Variants in CSMD1 observed in about 807,000 individuals in gnomAD.
The protein encoded by CSMD1 is CUB and sushi domain-containing protein 1.
Under a neutral mutation model 417.5 loss-of-function variants are expected in CSMD1, and 213 were observed. The observed-to-expected ratio is 0.51, with a 90% CI of 0.46 to 0.57. CSMD1 has a LOEUF of 0.57. Among genes scored for constraint, CSMD1 ranks in the 20% least tolerant of loss-of-function variants. CSMD1 has a pLI of 0.00. For missense variants in CSMD1, 6,923 were observed against 4,529.7 expected, an observed-to-expected ratio of 1.53 and a Z score of -15.17; for synonymous variants, 2,862 against 1,736.8, an observed-to-expected ratio of 1.65 and a Z score of -16.11.
intron 3 of CSMD1, among the ~76,000 whole-genome samples, chr8:4,130,531 G>A (rs1585381077): frequency 6.6e-6 from 1 of 152,174 alleles, no homozygotes; most frequent in East Asian, 1.9e-4. Context: ...TTTGCATTAG[G>A]ATTCTTCTTT....
In CSMD1 at chr8:4,994,807, A is replaced by G; in HGVS notation, c.-391T>C. On this transcript the variant is annotated 5_prime_UTR_variant, in exon 1 of 70. Coordinates refer to ENST00000635120, the MANE Select transcript of CSMD1 (RefSeq NM_033225.6). ...GCTGGAGAGAGAGCCAGCGAGTGGGAGATGCGGGGAGGGGGGCGCGGGGGG... is the reference window on the plus strand; with the variant it reads ...GCTGGAGAGAGAGCCAGCGAGTGGGGGATGCGGGGAGGGGGGCGCGGGGGG... The G allele has an allele frequency of 6.0e-6, 1 of 167,148 alleles. No homozygotes were observed. The highest frequency in any genetic ancestry group is 1.2e-5 in the Non-Finnish European group (1 of 84,826). 10.4% of individuals were successfully genotyped at this position (167,148 alleles called of 1,614,324 possible). A position where few individuals can be genotyped will look rare whatever the true frequency, so the allele number is the denominator to read the frequency against.
intron 2 of CSMD1, among the ~76,000 whole-genome samples, chr8:4,436,486 G>A (rs1193065377): frequency 6.6e-6 from 1 of 152,078 alleles, no homozygotes; most frequent in African/African-American, 2.4e-5. Flanking sequence ...AATCACCTCA[G>A]GTTGAGGGGT....
intron 5 of CSMD1, among the ~76,000 whole-genome samples, chr8:3,915,264 G>C (rs1411749480): frequency 3.3e-5 from 5 of 151,834 alleles, no homozygotes; most frequent in African/African-American, 9.7e-5. Flanking sequence ...AAATTATCTG[G>C]GCATGGTAGT....
chr8:3,738,534 C>T (rs73187265), intron 6 of CSMD1, among the ~76,000 whole-genome samples: 5,413 of 152,228 alleles, frequency 0.036, 123 homozygotes, highest in African/African-American at 0.048. Context: ...CTGGTCCTGC[C>T]GCCAAACATG....
At chr8:4,355,142 G>C (rs1801344632) in intron 3 of CSMD1, among the ~76,000 whole-genome samples, 2 of 151,998 alleles carry the variant, frequency 1.3e-5, no homozygotes, top group South Asian at 4.2e-4. Context: ...GGCGCCTGCA[G>C]TCCCAGCTAC....
chr8:3,749,551 T>G (rs1275721439), intron 6 of CSMD1, among the ~76,000 whole-genome samples: 1 of 152,092 alleles, frequency 6.6e-6, no homozygotes, highest in Non-Finnish European at 1.5e-5. Flanking sequence ...GAAAGAATAT[T>G]TTATGTTGGT....
intron 1 of CSMD1, among the ~76,000 whole-genome samples, chr8:4,935,794 T>G (rs988395597): frequency 1.3e-5 from 2 of 152,160 alleles, no homozygotes; most frequent in African/African-American, 4.8e-5. Flanking sequence ...AATACAAGAA[T>G]AGGAATTGCA....
chr8:3,221,959 C>T (rs1013170294), intron 28 of CSMD1, among the ~76,000 whole-genome samples: 2 of 152,216 alleles, frequency 1.3e-5, no homozygotes, highest in Admixed American at 6.5e-5. Context: ...TTGGCCAGCC[C>T]TCATCAGCGC....
chr8:4,499,038 T>C (rs1802119239), intron 2 of CSMD1, among the ~76,000 whole-genome samples: 1 of 152,238 alleles, frequency 6.6e-6, no homozygotes, highest in East Asian at 1.9e-4. Flanking sequence ...AAATATCTAG[T>C]ACAGATCTCT....
intron 38 of CSMD1, among the ~76,000 whole-genome samples, chr8:3,159,637 T>C (rs146399339): frequency 2.6e-5 from 4 of 152,332 alleles, no homozygotes; most frequent in African/African-American, 9.6e-5. Context: ...CCAGAATCCT[T>C]TTTTGCTCAT....
At chr8:4,257,699 C>T (rs763854937) in intron 3 of CSMD1, among the ~76,000 whole-genome samples, 17 of 152,172 alleles carry the variant, frequency 1.1e-4, no homozygotes, top group Non-Finnish European at 2.1e-4. Context: ...TGGATTCTAA[C>T]GTCAGTGTCA....
intron 12 of CSMD1, among the ~76,000 whole-genome samples, chr8:3,457,366 T>G (rs1178936048): frequency 6.6e-6 from 1 of 152,190 alleles, no homozygotes; most frequent in African/African-American, 2.4e-5. Context: ...CTTCTTCAGT[T>G]TCTCTCATTC....
At chr8:4,548,618 G>A (rs1413843962) in intron 2 of CSMD1, among the ~76,000 whole-genome samples, 1 of 152,110 alleles carries the variant, frequency 6.6e-6, no homozygotes, top group Non-Finnish European at 1.5e-5. Context: ...AGATGCAAAT[G>A]GCTTTTTTTC....
chr8:3,053,856 C>G (rs973823219), intron 49 of CSMD1, among the ~76,000 whole-genome samples: 8 of 152,130 alleles, frequency 5.3e-5, no homozygotes, highest in Non-Finnish European at 1.2e-4. Flanking sequence ...AAATAAAGAG[C>G]CTTCTTTTAC....
intron 2 of CSMD1, among the ~76,000 whole-genome samples, chr8:4,436,645 T>A (rs1477157614): frequency 6.6e-6 from 1 of 152,100 alleles, no homozygotes; most frequent in Non-Finnish European, 1.5e-5. Context: ...TTTAATCCAT[T>A]AACAATCACC....
intron 37 of CSMD1, among the ~76,000 whole-genome samples, chr8:3,164,041 G>C (rs1010733398): frequency 1.3e-5 from 2 of 152,196 alleles, no homozygotes; most frequent in Non-Finnish European, 2.9e-5. Flanking sequence ...CAGATCTGCT[G>C]AGTCGGAGGC....
chr8:4,911,183 T>C (rs1805646406), intron 1 of CSMD1, among the ~76,000 whole-genome samples: 2 of 152,224 alleles, frequency 1.3e-5, no homozygotes, highest in Non-Finnish European at 2.9e-5. Flanking sequence ...AATGGACTAA[T>C]ACCAATGCAC....
chr8:3,306,946 C>T (rs1237247016), intron 25 of CSMD1, among the ~76,000 whole-genome samples: 1 of 151,868 alleles, frequency 6.6e-6, no homozygotes, highest in Non-Finnish European at 1.5e-5. Context: ...TAAATGTTCA[C>T]ATCATTTTCT....
At chr8:4,824,935 C>T (rs1003705509) in intron 1 of CSMD1, among the ~76,000 whole-genome samples, 1 of 152,090 alleles carries the variant, frequency 6.6e-6, no homozygotes, top group Admixed American at 6.6e-5. Flanking sequence ...AAAGCCAAGA[C>T]ATTTCTCGGG....
Sources: allele counts gnomAD v4.1 joint callset (sites outside exome capture counted in the v4.1 genomes callset), GRCh38; gene constraint gnomAD v4.1.1; transcripts MANE v1.5; gene names NCBI Gene and HGNC (gene_info 2026-07-23, HGNC 2026-07-21).